Variants in PRR14L observed in about 807,000 individuals in gnomAD.
PRR14L encodes protein PRR14L.
In PRR14L, 80 loss-of-function variants were observed where a neutral mutation model predicts 155.0. That is an observed-to-expected ratio of 0.52 (90% CI 0.43 to 0.62). The LOEUF is 0.62. Ranked by LOEUF, PRR14L falls within the 20% of genes least tolerant of loss-of-function variation. The pLI, the probability that PRR14L is intolerant of heterozygous loss-of-function variation, is 0.00. For synonymous variants in PRR14L, 883 were observed against 916.0 expected (o/e 0.96, Z 0.65); for missense variants, 2,469 against 2,548.0 (o/e 0.97, Z 0.67).
At position 31,714,823 on chromosome 22, in the gene PRR14L, C is replaced by G; in HGVS notation, c.3016G>C (p.Gly1006Arg). 1 of 1,552,098 alleles carries G rather than the reference C, an allele frequency of 6.4e-7. No homozygotes were observed. Among genetic ancestry groups the G allele is most frequent in the Non-Finnish European group, 8.7e-7 (1 of 1,147,070 alleles). The change falls in exon 4 of 9, where the codon GGG (glycine) becomes CGG (arginine). Residue 1006 changes from glycine to arginine, a missense_variant. Physicochemically the swap from Gly to Arg is moderately radical, Grantham distance 125. This residue lies in a region of PRR14L where 2,363 missense variants were observed against 2,371.6 expected (regional missense o/e 1.00). Transcript: ENST00000327423. The stretch of plus-strand genomic sequence containing the variant: ...TCCTTTTGGTTGTGGTTTACCTCCC[C>G]GTGAGGCTCGGTGACAGTCTCTCTC... ...DQRETVTEPH[G>R]EVNHNQKDLL... is the part of the protein sequence containing the mutation.
At chr22:31,694,668 C>T (rs371835599) in intron 7 of PRR14L, among the ~76,000 whole-genome samples, 3 of 151,558 alleles carry the variant, frequency 2.0e-5, no homozygotes, top group East Asian at 3.9e-4. Context: ...AGGAGAATGG[C>T]GTGAACCCGG....
intron 2 of PRR14L, among the ~76,000 whole-genome samples, chr22:31,732,458 C>T (rs1264143717): frequency 1.3e-5 from 2 of 152,220 alleles, no homozygotes; most frequent in Non-Finnish European, 1.5e-5. Flanking sequence ...ATGTGCCAGG[C>T]AGAGGATGTC....
At chr22:31,745,466 G>C (rs1467653335) in intron 1 of PRR14L, among the ~76,000 whole-genome samples, 1 of 152,216 alleles carries the variant, frequency 6.6e-6, no homozygotes, top group African/African-American at 2.4e-5. Flanking sequence ...CCACAAGACT[G>C]CAGTGACAGA....
chr22:31,719,422 G>GA lies in PRR14L; in HGVS notation c.548-2132dup, dbSNP rs559199234. 3.5e-3 allele frequency among the ~76,000 whole-genome samples: 453 copies of GA among 130,764 alleles called. 2 individuals carry two copies. Among genetic ancestry groups the GA allele is most frequent in the South Asian group, 9.7e-3 (40 of 4,110 alleles). 85.8% of individuals were successfully genotyped at this position (130,764 alleles called of 152,430 possible). On this transcript the variant is annotated intron_variant, in intron 3 of 8. Transcript: ENST00000327423. ...GTAAGCGACCTTGTCTCAAAAAAAA[G>GA]AAAAAAAAAAAAGAACAAAAAATCT...
At chr22:31,701,332 C>T (rs1649109551) in intron 7 of PRR14L, among the ~76,000 whole-genome samples, 1 of 152,112 alleles carries the variant, frequency 6.6e-6, no homozygotes, top group African/African-American at 2.4e-5. Flanking sequence ...CTTTTAGGTC[C>T]TTTTCCAGTT....
intron 5 of PRR14L, 139 bp from the exon 6 acceptor site, chr22:31,703,860 C>T (rs1356395544): frequency 1.3e-5 from 7 of 524,416 alleles, no homozygotes; most frequent in South Asian, 6.3e-5. Flanking sequence ...TGCAATGGTA[C>T]GATCTCGGCT....
chr22:31,744,247 C>T (rs912156713), intron 1 of PRR14L, among the ~76,000 whole-genome samples: 2 of 151,900 alleles, frequency 1.3e-5, no homozygotes, highest in African/African-American at 4.8e-5. Flanking sequence ...ATTCTCCCGC[C>T]CCAGCCTCCT....
chr22:31,694,647 G>A lies in PRR14L; in HGVS notation c.6108-6420C>T, dbSNP rs916124959. On this transcript the variant is annotated intron_variant, in intron 7 of 8. Coordinates refer to ENST00000327423, the MANE Select transcript of PRR14L (RefSeq NM_173566.3). Reference sequence around the variant, plus strand: ...GGCGCCTGTAGTCCCAGCTATTCGGGAGGCTGAGGCAGGAGAATGGCGTGA... The same window carrying A: ...GGCGCCTGTAGTCCCAGCTATTCGGAAGGCTGAGGCAGGAGAATGGCGTGA... 4.0e-5 allele frequency among the ~76,000 whole-genome samples: 6 copies of A among 151,736 alleles called. No homozygotes were observed. The East Asian group carries it at 1.2e-3, about 30-fold the overall frequency.
Position 31,713,011 on chromosome 22 carries a change from T to C in PRR14L, c.4828A>G (p.Thr1610Ala), listed in dbSNP as rs112942579. The C allele has an allele frequency of 5.2e-3, 8,008 of 1,552,180 alleles. 126 individuals are homozygous for C. Among genetic ancestry groups the C allele is most frequent in the African/African-American group, 0.045 (3,297 of 73,158 alleles). Residue 1610 changes from threonine (T) to alanine (A), a missense_variant, in exon 4 of 9, where the codon ACC (threonine) becomes GCC (alanine). By Grantham distance (58) the Thr-to-Ala change is moderately conservative. Coordinates refer to ENST00000327423, the MANE Select transcript of PRR14L (RefSeq NM_173566.3). ...TTGTTTAGTAAGGCTGATTCTTTGGTAGTCTTCCTAAAATTCAGGCTCCTC... is the reference window on the plus strand; with the variant it reads ...TTGTTTAGTAAGGCTGATTCTTTGGCAGTCTTCCTAAAATTCAGGCTCCTC... Reference protein sequence around the residue: ...PLRSLNFRKTTKESALLNKLS... With the variant: ...PLRSLNFRKTAKESALLNKLS...
chr22:31,704,711 T>C lies in PRR14L; in HGVS notation c.5772A>G (p.Pro1924=), dbSNP rs1433425060. Residue 1924 remains proline, a synonymous_variant, in exon 5 of 9, where the codon CCA becomes CCG. Coordinates refer to ENST00000327423, the MANE Select transcript of PRR14L (RefSeq NM_173566.3). Reference sequence around the variant, plus strand: ...CTTCCATGCCTGGAAGAGGCACATATGGTAACATGGTGTGGCTAAAGTAAA... The same window carrying C: ...CTTCCATGCCTGGAAGAGGCACATACGGTAACATGGTGTGGCTAAAGTAAA... ...LGTTSSHTML[P]YVPLPGMEAT... is the part of the protein sequence containing the mutation. 1 of 1,613,948 alleles carries C rather than the reference T, an allele frequency of 6.2e-7. No homozygotes were observed. The highest frequency in any genetic ancestry group is 1.1e-5 in the South Asian group (1 of 91,076).
intron 4 of PRR14L, among the ~76,000 whole-genome samples, chr22:31,707,153 T>C (rs1450968209): frequency 6.6e-6 from 1 of 152,044 alleles, no homozygotes; most frequent in East Asian, 1.9e-4. Context: ...TATCTACAAA[T>C]ACCACCCCCT....
Position 31,713,836 on chromosome 22 carries a change from C to T in PRR14L, c.4003G>A (p.Gly1335Arg). ...LTVKTDIKVK[G>R]EETEEHQRGR... ...CTCTGATGCTCTTCGGTTTCTTCTC[C>T]TTTCACTTTAATATCTGTTTTCACT... Residue 1335 changes from glycine (G) to arginine (R), a missense_variant, in exon 4 of 9, where the codon GGA (glycine) becomes AGA (arginine). Coordinates refer to ENST00000327423, the MANE Select transcript of PRR14L (RefSeq NM_173566.3). 1 of 1,552,286 alleles carries T rather than the reference C, an allele frequency of 6.4e-7. No individual in the cohort carries two copies. Among genetic ancestry groups the T allele is most frequent in the Non-Finnish European group, 8.7e-7 (1 of 1,147,106 alleles).
intron 4 of PRR14L, among the ~76,000 whole-genome samples, chr22:31,711,809 AAC>A (rs2074624665): frequency 6.6e-6 from 1 of 150,718 alleles, no homozygotes; most frequent in Non-Finnish European, 1.5e-5. Context: ...AAGAAGATTC[AAC>A]AGATTTGATG....
intron 1 of PRR14L, among the ~76,000 whole-genome samples, chr22:31,740,968 C>A (rs1318343308): frequency 2.0e-5 from 3 of 150,772 alleles, no homozygotes; most frequent in Non-Finnish European, 4.4e-5. Context: ...ATGGTGAAAT[C>A]CAAGGCGGGG....
In PRR14L at chr22:31,715,278, T is replaced by C; in HGVS notation, c.2561A>G (p.Gln854Arg). ...TTCTTTCCCATCAAGTTCCCTTTCC[T>C]GTGATGTGTAACTCACTTTACAGCT... ...KSSCKVSYTS[Q>R]ERELDGKETN... Residue 854 changes from glutamine to arginine, a missense_variant, in exon 4 of 9, where the codon CAG (glutamine) becomes CGG (arginine). Transcript: ENST00000327423. 1 of 1,552,280 alleles carries C rather than the reference T, an allele frequency of 6.4e-7. No individual in the cohort carries two copies. Among genetic ancestry groups the C allele is most frequent in the Non-Finnish European group, 8.7e-7 (1 of 1,147,110 alleles).
intron 3 of PRR14L, among the ~76,000 whole-genome samples, chr22:31,720,386 G>C (rs540201390): frequency 2.6e-5 from 4 of 152,296 alleles, no homozygotes; most frequent in African/African-American, 9.6e-5. Context: ...TTATCATTGT[G>C]AAATTAGCCT....
At chr22:31,723,016 G>T (rs1426876987) in intron 3 of PRR14L, among the ~76,000 whole-genome samples, 2 of 152,110 alleles carry the variant, frequency 1.3e-5, no homozygotes, top group African/African-American at 2.4e-5. Context: ...TGTCTCCACA[G>T]AATCTTCTTC....
intron 3 of PRR14L, among the ~76,000 whole-genome samples, chr22:31,723,505 A>G (rs1298433783): frequency 1.3e-5 from 2 of 152,222 alleles, no homozygotes; most frequent in Admixed American, 6.5e-5. Context: ...GTGGGTGAAA[A>G]TATACCAAAG....
intron 2 of PRR14L, among the ~76,000 whole-genome samples, chr22:31,737,223 A>G (rs983407738): frequency 1.3e-5 from 2 of 151,404 alleles, no homozygotes; most frequent in Non-Finnish European, 2.9e-5. Flanking sequence ...GCTCACGCCT[A>G]TAATCCCAAC....
Sources: gnomAD v4.1 joint callset for allele counts (sites outside exome capture counted in the v4.1 genomes callset) on GRCh38, gnomAD v4.1.1 for gene constraint, gnomAD v4.1.1 regional missense constraint, MANE v1.5 for transcripts, NCBI Gene and HGNC (gene_info 2026-07-23, HGNC 2026-07-21) for gene names.